Variants in EIF2B3 observed in about 807,000 individuals in gnomAD.
EIF2B3 encodes translation initiation factor eIF2B subunit gamma.
EIF2B3 carries 20 observed loss-of-function variants against 54.1 expected under a neutral mutation model. The ratio of observed to expected loss-of-function variants is 0.37; its 90% CI spans 0.26 to 0.54. The LOEUF (loss-of-function observed/expected upper bound fraction) is 0.54, where lower values mean the gene tolerates loss of function less well. Ranked by LOEUF, EIF2B3 falls within the 20% of genes least tolerant of loss-of-function variation. The pLI, the probability that EIF2B3 is intolerant of heterozygous loss-of-function variation, is 0.86. For missense variants in EIF2B3, 448 were observed against 547.8 expected, an observed-to-expected ratio of 0.82 and a Z score of 1.82; for synonymous variants, 153 against 188.1, an observed-to-expected ratio of 0.81 and a Z score of 1.52.
At chr1:44,934,323 G>A (rs974195060) in intron 4 of EIF2B3, among the ~76,000 whole-genome samples, 10 of 151,384 alleles carry the variant, frequency 6.6e-5, no homozygotes, top group South Asian at 2.1e-4. Context: ...ACTTGAACTC[G>A]GAGGGCAGAG....
intron 3 of EIF2B3, among the ~76,000 whole-genome samples, chr1:44,943,330 C>A (rs998687743): frequency 2.0e-5 from 3 of 151,806 alleles, no homozygotes; most frequent in African/African-American, 7.3e-5. Context: ...TGGCCAAAAA[C>A]ATATTTCAAT....
intron 5 of EIF2B3, among the ~76,000 whole-genome samples, chr1:44,923,744 G>T (rs1260649517): frequency 6.6e-6 from 1 of 151,706 alleles, no homozygotes; most frequent in East Asian, 1.9e-4. Context: ...ATTTCTATGA[G>T]ATTCTAATTT....
At chr1:44,868,777 A>C (rs1654867974) in intron 10 of EIF2B3, among the ~76,000 whole-genome samples, 1 of 152,236 alleles carries the variant, frequency 6.6e-6, no homozygotes, top group Non-Finnish European at 1.5e-5. Flanking sequence ...AAATGGATGA[A>C]GGCAAGTGTA....
chr1:44,954,578 T>A (rs964779430), intron 3 of EIF2B3, among the ~76,000 whole-genome samples: 6 of 152,336 alleles, frequency 3.9e-5, no homozygotes, highest in Non-Finnish European at 5.9e-5. Flanking sequence ...TGATTTTGTA[T>A]CCTGAGACTT....
At chr1:44,907,822 G>A (rs1027017031) in intron 5 of EIF2B3, among the ~76,000 whole-genome samples, 1 of 148,048 alleles carries the variant, frequency 6.8e-6, no homozygotes, top group Admixed American at 6.8e-5. Flanking sequence ...CCCAGGAGGT[G>A]GAGGTTGCAG....
chr1:44,922,646 C>T (rs1416797852), intron 5 of EIF2B3, among the ~76,000 whole-genome samples: 1 of 145,186 alleles, frequency 6.9e-6, no homozygotes, highest in African/African-American at 2.6e-5. Flanking sequence ...GATATTGTAA[C>T]AATACTGATT....
At chr1:44,968,372 G>GAAA (rs35847625) in intron 3 of EIF2B3, among the ~76,000 whole-genome samples, 21 of 118,158 alleles carry the variant, frequency 1.8e-4, no homozygotes, top group East Asian at 1.0e-3. Flanking sequence ...TTAAAAAAAG[G>GAAA]AAAAAAAAAA....
In EIF2B3 at chr1:44,850,821, G is replaced by T; in HGVS notation, c.*130C>A. On this transcript the variant is annotated 3_prime_UTR_variant, in exon 12 of 12. Transcript: ENST00000360403. ...CCCACCTGACATGGAGCTTTGGACT[G>T]CTCCACAAGTCTCCAGCATGCCTTT... 2 of 1,008,360 alleles carry T rather than the reference G, an allele frequency of 2.0e-6. No homozygotes were observed. Among genetic ancestry groups the T allele is most frequent in the Non-Finnish European group, 3.1e-6 (2 of 639,040 alleles). 62.5% of individuals were successfully genotyped at this position (1,008,360 alleles called of 1,614,324 possible).
Position 44,887,958 on chromosome 1 carries a change from T to C in EIF2B3, c.657-6219A>G, listed in dbSNP as rs146910747. Among the ~76,000 whole-genome samples, 176 of 152,320 alleles carry C rather than the reference T, an allele frequency of 1.2e-3. 1 individual carries two copies. The highest frequency in any genetic ancestry group is 3.8e-3 in the African/African-American group (160 of 41,572). On this transcript the variant is annotated intron_variant, in intron 6 of 11. Coordinates refer to ENST00000360403, the MANE Select transcript of EIF2B3 (RefSeq NM_020365.5). ...ATGACTAATTGATTAAAAAATTAGA[T>C]TTACTAATCTTTTAGCTTAGTTACT...
rs113200962 is a variant in EIF2B3 at position 44,853,994 on chromosome 1, G to GTTT, written c.1307-2994_1307-2992dup. ...ATGAAGCATGCTTTTAGCAGTTAGT[G>GTTT]TTTTTTTTTTTTGTTTTTTTTTTTT... is the stretch of plus-strand genomic sequence containing the variant. On this transcript the variant is annotated intron_variant, in intron 11 of 11. Transcript: ENST00000360403. Among the ~76,000 whole-genome samples, 158 of 137,488 alleles carry GTTT rather than the reference G, an allele frequency of 1.1e-3. 2 individuals carry two copies. The highest frequency in any genetic ancestry group is 4.4e-3 in the African/African-American group (155 of 35,364). 90.2% of individuals were successfully genotyped at this position (137,488 alleles called of 152,430 possible).
At chr1:44,877,203 A>AAAC (rs1655201940) in intron 8 of EIF2B3, among the ~76,000 whole-genome samples, 1 of 145,284 alleles carries the variant, frequency 6.9e-6, no homozygotes, top group Non-Finnish European at 1.5e-5. Context: ...AAAAAAAAAA[A>AAAC]AAAAAAAAAA....
intron 3 of EIF2B3, among the ~76,000 whole-genome samples, chr1:44,957,573 C>A (rs1644240874): frequency 6.6e-6 from 1 of 151,970 alleles, no homozygotes; most frequent in Admixed American, 6.6e-5. Flanking sequence ...CCAGCCTGGC[C>A]AACATGACAA....
intron 11 of EIF2B3, among the ~76,000 whole-genome samples, chr1:44,854,012 T>G (rs564391161): frequency 1.5e-4 from 22 of 151,376 alleles, no homozygotes; most frequent in South Asian, 4.2e-4. Context: ...TTTTTGTTTT[T>G]TTTTTTTCTG....
chr1:44,975,095 G>A (rs903618099), intron 3 of EIF2B3, among the ~76,000 whole-genome samples: 4 of 152,052 alleles, frequency 2.6e-5, no homozygotes, highest in African/African-American at 9.7e-5. Flanking sequence ...GCATGTGCCT[G>A]TAGTCCCATC....
intron 6 of EIF2B3, among the ~76,000 whole-genome samples, chr1:44,896,848 A>C (rs1009768600): frequency 1.3e-5 from 2 of 152,228 alleles, no homozygotes; most frequent in Admixed American, 1.3e-4. Context: ...AAAAATCAGA[A>C]AATGTGCCAA....
At chr1:44,922,322 C>CA (rs1412884388) in intron 5 of EIF2B3, among the ~76,000 whole-genome samples, 1 of 151,336 alleles carries the variant, frequency 6.6e-6, no homozygotes, top group African/African-American at 2.4e-5. Context: ...CATGGTGGCT[C>CA]ACGCCTGTAA....
chr1:44,857,679 A>T (rs1420923142), intron 11 of EIF2B3, 25 bp downstream of exon 11: 2 of 1,609,304 alleles, frequency 1.2e-6, no homozygotes, highest in Admixed American at 3.3e-5. Context: ...GTAAAAATGG[A>T]ATCTGTGATT....
chr1:44,920,307 C>A (rs914221451), intron 5 of EIF2B3, among the ~76,000 whole-genome samples: 2 of 152,094 alleles, frequency 1.3e-5, no homozygotes, highest in East Asian at 3.8e-4. Context: ...TTGACACAGG[C>A]ATGCAATACG....
rs1654587205 is a variant in EIF2B3 at position 44,860,692 on chromosome 1, T to A, written c.1203-2885A>T. ...GAAGAGACCTAGAACTGCCTTATTC[T>A]GAGCTGATATGGCTCAGTGGAAGAA... is the stretch of plus-strand genomic sequence containing the variant. On this transcript the variant is annotated intron_variant, in intron 10 of 11. Transcript: ENST00000360403. Among the ~76,000 whole-genome samples, 3 of 152,198 alleles carry A rather than the reference T, an allele frequency of 2.0e-5. 1 individual carries two copies. The highest frequency in any genetic ancestry group is 2.0e-4 in the Admixed American group (3 of 15,284).
Sources: allele counts gnomAD v4.1 joint callset (sites outside exome capture counted in the v4.1 genomes callset), GRCh38; gene constraint gnomAD v4.1.1; transcripts MANE v1.5; gene names NCBI Gene and HGNC (gene_info 2026-07-23, HGNC 2026-07-21).